Variants in PPIP5K2 observed in about 807,000 individuals in gnomAD.
PPIP5K2 encodes the protein diphosphoinositol pentakisphosphate kinase 2, also known as inositol hexakisphosphate and diphosphoinositol-pentakisphosphate kinase 2.
PPIP5K2 carries 105 observed loss-of-function variants against 154.6 expected under a neutral mutation model. The ratio of observed to expected loss-of-function variants is 0.68; its 90% CI spans 0.58 to 0.80. PPIP5K2 has a LOEUF of 0.80. Ranked by LOEUF, PPIP5K2 falls within the 30% of genes least tolerant of loss-of-function variation. The pLI is 0.00. For synonymous variants in PPIP5K2, 480 were observed against 490.3 expected (o/e 0.98, Z 0.28); for missense variants, 992 against 1,504.6 (o/e 0.66, Z 5.64).
At chr5:103,170,445 A>C (rs2149688055) in intron 19 of PPIP5K2, among the ~76,000 whole-genome samples, 1 of 151,654 alleles carries the variant, frequency 6.6e-6, no homozygotes, top group Non-Finnish European at 1.5e-5. Flanking sequence ...CGGATAAGTT[A>C]TTTTTTAAAT....
chr5:103,149,380 CATT>C, intron 8 of PPIP5K2, 67 bp downstream of exon 8: 1 of 1,397,222 alleles, frequency 7.2e-7, no homozygotes, highest in Non-Finnish European at 9.7e-7. Context: ...TTGACTAAGA[CATT>C]ATTGGTGCTT....
intron 12 of PPIP5K2, 31 bp from the exon 13 acceptor site, chr5:103,154,803 A>G: frequency 1.3e-6 from 2 of 1,547,796 alleles, no homozygotes; most frequent in Non-Finnish European, 1.7e-6. Context: ...AATTACATAA[A>G]AATTCAATTT....
chr5:103,140,488 G>C lies in PPIP5K2; in HGVS notation c.487+2019G>C, dbSNP rs147471186. Reference sequence around the variant, plus strand: ...AGCAGAAAGCTTATAGGCTAGGAGAGAGTGTGATGGCATTCAAAGTGTTGA... The same window carrying C: ...AGCAGAAAGCTTATAGGCTAGGAGACAGTGTGATGGCATTCAAAGTGTTGA... On this transcript the variant is annotated intron_variant, in intron 5 of 30. Coordinates refer to ENST00000358359, the MANE Select transcript of PPIP5K2 (RefSeq NM_001276277.3). Among the ~76,000 whole-genome samples the C allele has an allele frequency of 3.2e-3, 480 of 152,314 alleles. 5 individuals carry two copies. The highest frequency in any genetic ancestry group is 0.011 in the African/African-American group (451 of 41,570).
rs1800544351 is a variant in PPIP5K2, at chr5:103,187,311, T to C, written c.3290-3T>C. 2 of 1,534,378 alleles carry C rather than the reference T, an allele frequency of 1.3e-6. No individual in the cohort carries two copies. Among genetic ancestry groups the C allele is most frequent in the South Asian group, 1.2e-5 (1 of 83,870 alleles). ...TTCAGGTACCTGTTTTTCTCTTTCT[T>C]AGACGCCACACGCGGTTCTGCTGTT... On this transcript the variant is annotated splice_polypyrimidine_tract_variant and splice_region_variant and intron_variant, in intron 27 of 30. Coordinates refer to ENST00000358359, the MANE Select transcript of PPIP5K2 (RefSeq NM_001276277.3).
chr5:103,142,104 C>T (rs1449464577), intron 5 of PPIP5K2, among the ~76,000 whole-genome samples: 1 of 152,180 alleles, frequency 6.6e-6, no homozygotes, highest in Non-Finnish European at 1.5e-5. Flanking sequence ...GTTGGGGAGG[C>T]TCGGGCCGCA....
chr5:103,177,707 T>A lies in PPIP5K2; in HGVS notation c.2570T>A (p.Leu857Ter), dbSNP rs1798925727. 1 of 1,611,936 alleles carries A rather than the reference T, an allele frequency of 6.2e-7. No individual in the cohort carries two copies. ...CAGTGGAAACGAGCTATGGATTATTTAAACGTTGTCAATGAGCTCAACTAC... is the reference window on the plus strand; with the variant it reads ...CAGTGGAAACGAGCTATGGATTATTAAAACGTTGTCAATGAGCTCAACTAC... ...DEQWKRAMDYLNVVNELNYMT... is the reference protein window; with the variant it reads ...DEQWKRAMDY Residue 857 changes from leucine (L) to a stop codon, truncating the protein, a stop_gained, in exon 22 of 31, where the codon TTA (leucine) becomes TAA (stop). Transcript: ENST00000358359. LOFTEE classifies it high-confidence loss of function.
intron 17 of PPIP5K2, among the ~76,000 whole-genome samples, chr5:103,166,088 C>G (rs1478602470): frequency 1.3e-5 from 2 of 151,988 alleles, no homozygotes; most frequent in Non-Finnish European, 2.9e-5. Flanking sequence ...AGATAAAGCA[C>G]AATCAAAGTA....
chr5:103,166,673 C>T (rs868986472), intron 17 of PPIP5K2, among the ~76,000 whole-genome samples: 45 of 151,628 alleles, frequency 3.0e-4, no homozygotes, highest in South Asian at 2.1e-4. Flanking sequence ...TGGAAGTTCC[C>T]CAGTATTTTG....
chr5:103,128,529 C>T (rs745393266), intron 1 of PPIP5K2, among the ~76,000 whole-genome samples: 53 of 152,072 alleles, frequency 3.5e-4, no homozygotes, highest in Non-Finnish European at 5.1e-4. Flanking sequence ...ACCTTAGCCT[C>T]CCAAGTAGCT....
intron 17 of PPIP5K2, among the ~76,000 whole-genome samples, chr5:103,161,972 T>C (rs1447686886): frequency 6.6e-6 from 1 of 152,206 alleles, no homozygotes; most frequent in Non-Finnish European, 1.5e-5. Flanking sequence ...ATCCCATTTG[T>C]CAATTTTGGC....
chr5:103,189,136 G>T, intron 28 of PPIP5K2: 1 of 1,477,140 alleles, frequency 6.8e-7, no homozygotes, highest in Non-Finnish European at 9.1e-7. Flanking sequence ...TTCTGACAGT[G>T]CTTTACCTTA....
intron 17 of PPIP5K2, among the ~76,000 whole-genome samples, chr5:103,162,964 T>A (rs1796551812): frequency 6.6e-6 from 1 of 152,100 alleles, no homozygotes; most frequent in Non-Finnish European, 1.5e-5. Flanking sequence ...TCTTTCCCAT[T>A]ACTCAGAAGT....
intron 6 of PPIP5K2, among the ~76,000 whole-genome samples, chr5:103,147,216 A>G (rs1554209471): frequency 6.6e-6 from 1 of 151,982 alleles, no homozygotes; most frequent in Non-Finnish European, 1.5e-5. Flanking sequence ...TAATTTAGCA[A>G]TGTATCAGAA....
chr5:103,210,083 G>A lies in PPIP5K2; in HGVS notation c.*8449G>A, dbSNP rs1264474956. 2.0e-5 allele frequency: 3 copies of A among 152,028 alleles called. No individual in the cohort carries two copies. The highest frequency in any genetic ancestry group is 2.1e-4 in the South Asian group (1 of 4,820). 9.4% of individuals were successfully genotyped at this position (152,028 alleles called of 1,614,324 possible). On this transcript the variant is annotated 3_prime_UTR_variant, in exon 31 of 31. Coordinates refer to ENST00000358359, the MANE Select transcript of PPIP5K2 (RefSeq NM_001276277.3). ...GTCCCACTGCCATACCTGCCTCCTC[G>A]GTGAAATAGATGTAAAAGCCACAAA...
At chr5:103,181,384 A>G (rs1479841052) in intron 24 of PPIP5K2, among the ~76,000 whole-genome samples, 2 of 151,922 alleles carry the variant, frequency 1.3e-5, no homozygotes, top group Non-Finnish European at 2.9e-5. Flanking sequence ...CCTGGCCAAT[A>G]TGGTGAAACC....
intron 2 of PPIP5K2, among the ~76,000 whole-genome samples, chr5:103,131,459 A>G (rs1011977061): frequency 2.0e-5 from 3 of 152,090 alleles, no homozygotes; most frequent in Admixed American, 6.5e-5. Context: ...TCTTCAATAC[A>G]TGATTAATTG....
chr5:103,134,573 C>A (rs546904583), intron 3 of PPIP5K2, among the ~76,000 whole-genome samples: 1 of 152,168 alleles, frequency 6.6e-6, no homozygotes, highest in Admixed American at 6.5e-5. Context: ...TCAGGCTGCT[C>A]ATTTTAGAGA....
At chr5:103,161,024 A>G (rs1182105932) in intron 17 of PPIP5K2, among the ~76,000 whole-genome samples, 1 of 149,794 alleles carries the variant, frequency 6.7e-6, no homozygotes, top group Non-Finnish European at 1.5e-5. Context: ...TTTGTTACAT[A>G]TGTATACATG....
At chr5:103,140,367 C>CA (rs1792355958) in intron 5 of PPIP5K2, among the ~76,000 whole-genome samples, 1 of 152,014 alleles carries the variant, frequency 6.6e-6, no homozygotes, top group African/African-American at 2.4e-5. Context: ...ATTAAACTCT[C>CA]AAAGGTCAAG....
Sources: allele counts gnomAD v4.1 joint callset (sites outside exome capture counted in the v4.1 genomes callset), GRCh38; gene constraint gnomAD v4.1.1; transcripts MANE v1.5; gene names NCBI Gene and HGNC (gene_info 2026-07-23, HGNC 2026-07-21).